Variants in SH3PXD2A observed in about 807,000 individuals in gnomAD.
SH3PXD2A encodes SH3 and PX domains 2A.
SH3PXD2A carries 32 observed loss-of-function variants against 115.2 expected under a neutral mutation model. That is an observed-to-expected ratio of 0.28 (90% CI 0.21 to 0.37). The LOEUF is 0.37. SH3PXD2A is among the 10% of genes least tolerant of loss of function. SH3PXD2A has a pLI of 1.00. For synonymous variants in SH3PXD2A, 610 were observed against 629.1 expected, an observed-to-expected ratio of 0.97 and a Z score of 0.45; for missense variants, 1,328 against 1,498.7, an observed-to-expected ratio of 0.89 and a Z score of 1.88.
chr10:103,740,756 T>C (rs1203913274), intron 3 of SH3PXD2A, among the ~76,000 whole-genome samples: 3 of 152,248 alleles, frequency 2.0e-5, no homozygotes, highest in African/African-American at 7.2e-5. Context: ...CCTGTCTTTC[T>C]GCCACTTGGA....
chr10:103,698,575 C>T (rs2037854088), intron 5 of SH3PXD2A, among the ~76,000 whole-genome samples: 1 of 152,186 alleles, frequency 6.6e-6, no homozygotes, highest in Non-Finnish European at 1.5e-5. Flanking sequence ...AATATGAGGG[C>T]TGGAGAAGAT....
chr10:103,802,404 A>G (rs922424721), intron 1 of SH3PXD2A, among the ~76,000 whole-genome samples: 1 of 152,214 alleles, frequency 6.6e-6, no homozygotes, highest in African/African-American at 2.4e-5. Flanking sequence ...GAGCCTCACA[A>G]TGAAGGCATT....
At chr10:103,674,532 T>C (rs751376327) in intron 6 of SH3PXD2A, among the ~76,000 whole-genome samples, 3 of 152,122 alleles carry the variant, frequency 2.0e-5, no homozygotes, top group Non-Finnish European at 4.4e-5. Context: ...TTAAAAAACA[T>C]GGCACCAGGC....
chr10:103,650,291 C>T (rs1331569996), intron 8 of SH3PXD2A, among the ~76,000 whole-genome samples: 1 of 152,230 alleles, frequency 6.6e-6, no homozygotes. Flanking sequence ...ACAGCCACCA[C>T]TGCACCAGCA....
intron 3 of SH3PXD2A, among the ~76,000 whole-genome samples, chr10:103,760,555 G>A (rs2038689131): frequency 6.7e-6 from 1 of 149,586 alleles, no homozygotes; most frequent in South Asian, 2.1e-4. Flanking sequence ...GGGCAACAGA[G>A]CGAGACCCTG....
Position 103,602,385 on chromosome 10 carries a change from C to A in SH3PXD2A, c.2833G>T (p.Ala945Ser). Residue 945 changes from alanine (A) to serine (S), a missense_variant, in exon 15 of 15, where the codon GCC becomes TCC. Transcript: ENST00000369774. ...GGTTTGGAGGGGATGGGGGGCGTGGCCTTCTTGCTCTGGTTGACGGTGTTC... is the reference window on the plus strand; with the variant it reads ...GGTTTGGAGGGGATGGGGGGCGTGGACTTCTTGCTCTGGTTGACGGTGTTC... The part of the protein sequence containing the change: ...ALNTVNQSKK[A>S]TPPIPSKPPG... 2 of 1,613,922 alleles carry A rather than the reference C, an allele frequency of 1.2e-6. No individual in the cohort carries two copies. The highest frequency in any genetic ancestry group is 1.7e-6 in the Non-Finnish European group (2 of 1,179,936).
At chr10:103,684,878 G>T (rs969605707) in intron 6 of SH3PXD2A, among the ~76,000 whole-genome samples, 2 of 151,662 alleles carry the variant, frequency 1.3e-5, no homozygotes, top group Non-Finnish European at 1.5e-5. Context: ...AAACTAACTG[G>T]ACGTGGTGGT....
At chr10:103,720,556 C>A (rs771183830) in intron 5 of SH3PXD2A, among the ~76,000 whole-genome samples, 1 of 152,238 alleles carries the variant, frequency 6.6e-6, no homozygotes, top group Non-Finnish European at 1.5e-5. Flanking sequence ...ATGGACCCTG[C>A]AGCAGCACAC....
At position 103,596,454 on chromosome 10, in the gene SH3PXD2A, T is replaced by G. The variant is rs1430803046; in HGVS notation, c.*5362A>C. The G allele has an allele frequency of 6.6e-6, 1 of 152,560 alleles. No individual in the cohort carries two copies. Among genetic ancestry groups the G allele is most frequent in the African/African-American group, 2.4e-5 (1 of 41,424 alleles). 9.5% of individuals were successfully genotyped at this position (152,560 alleles called of 1,614,324 possible). A position where few individuals can be genotyped will look rare whatever the true frequency, so the allele number is the denominator to read the frequency against. ...ACAAAAAGAAAAAAAAATGACACAT[T>G]GCACTCTCCAGCCAGAATGATGTGT... On this transcript the variant is annotated 3_prime_UTR_variant, in exon 15 of 15. Coordinates refer to ENST00000369774, the MANE Select transcript of SH3PXD2A (RefSeq NM_001394015.1).
intron 8 of SH3PXD2A, among the ~76,000 whole-genome samples, chr10:103,646,904 G>A (rs1157692008): frequency 2.6e-5 from 4 of 152,252 alleles, no homozygotes; most frequent in Admixed American, 6.5e-5. Flanking sequence ...GTACCTGAGG[G>A]CAGAGAGATG....
chr10:103,621,838 T>A (rs1317883902), intron 10 of SH3PXD2A, among the ~76,000 whole-genome samples: 1 of 152,230 alleles, frequency 6.6e-6, no homozygotes, highest in African/African-American at 2.4e-5. Flanking sequence ...TGGACTCCCC[T>A]GGATCAGGCC....
chr10:103,770,141 A>C (rs2038802631), intron 2 of SH3PXD2A, among the ~76,000 whole-genome samples: 2 of 152,222 alleles, frequency 1.3e-5, no homozygotes, highest in Non-Finnish European at 2.9e-5. Flanking sequence ...ATGTAAATAA[A>C]ATGAACCCAT....
intron 5 of SH3PXD2A, among the ~76,000 whole-genome samples, chr10:103,711,472 G>A (rs1477433700): frequency 1.3e-5 from 2 of 152,200 alleles, no homozygotes; most frequent in Non-Finnish European, 2.9e-5. Context: ...CGCAGGGAAC[G>A]TGCCCACTGA....
intron 6 of SH3PXD2A, among the ~76,000 whole-genome samples, chr10:103,686,471 GTCTGCTCCAGCCCCACTGGGGC>G (rs2037679629): frequency 6.6e-6 from 1 of 152,210 alleles, no homozygotes; most frequent in African/African-American, 2.4e-5. Context: ...GCTCTGGGGA[GTCTGCTCCAGCCCCACTGGGGC>G]TCCTGGAGCA....
rs1320837749 is a variant in SH3PXD2A at position 103,665,743 on chromosome 10, C to T, written c.472+2865G>A. Among the ~76,000 whole-genome samples the T allele has an allele frequency of 6.6e-6, 1 of 152,208 alleles. No individual in the cohort carries two copies. Among genetic ancestry groups the T allele is most frequent in the Non-Finnish European group, 1.5e-5 (1 of 68,018 alleles). ...GAGGCCACTCTGGATCCCCTCTCAG[C>T]CAAGGCCTGCAGAACTAGGGGCTGG... On this transcript the variant is annotated intron_variant, in intron 7 of 14. Coordinates refer to ENST00000369774, the MANE Select transcript of SH3PXD2A (RefSeq NM_001394015.1). This position sits in a 1 kb window ranked among gnomAD's most constrained non-coding sequence, Gnocchi z 4.0.
At chr10:103,835,737 A>G (rs2039532854) in intron 1 of SH3PXD2A, among the ~76,000 whole-genome samples, 1 of 152,074 alleles carries the variant, frequency 6.6e-6, no homozygotes, top group South Asian at 2.1e-4. Flanking sequence ...CCTCTGGGTC[A>G]CAACAACTTT....
chr10:103,744,584 C>A (rs373147587), intron 3 of SH3PXD2A, among the ~76,000 whole-genome samples: 5 of 152,200 alleles, frequency 3.3e-5, no homozygotes, highest in Admixed American at 2.0e-4. Context: ...GATGACATCC[C>A]CAGAGTCTAC....
At chr10:103,608,151 A>AAAAAAAAAAAAAAAAAGTTTACC (rs1491267128) in intron 13 of SH3PXD2A, among the ~76,000 whole-genome samples, 2 of 71,284 alleles carry the variant, frequency 2.8e-5, no homozygotes, top group Admixed American at 1.7e-4. Flanking sequence ...TGATCAATTT[A>AAAAAAAAAAAAAAAAAGTTTACC]AAAAAAAAAA....
Position 103,692,929 on chromosome 10 carries a change from C to G in SH3PXD2A, c.427+99G>C, listed in dbSNP as rs184726696. ...GTAGGCTGGCGTGCAAGGACAACCC[C>G]CCCCTCCCCGCCCCCAAGAAGTCCT... On this transcript the variant is annotated intron_variant, in intron 6 of 14. Transcript: ENST00000369774. The G allele has an allele frequency of 1.4e-3, 1,316 of 966,196 alleles. 15 individuals carry two copies. The African/African-American group carries it at 0.018, about 13-fold the overall frequency. The allele number at this position is 966,196 out of a possible 1,614,324, so 59.9% of individuals were successfully genotyped here. A position where few individuals can be genotyped will look rare whatever the true frequency, so the allele number is the denominator to read the frequency against.
Sources: gnomAD v4.1 joint callset for allele counts (sites outside exome capture counted in the v4.1 genomes callset) on GRCh38, gnomAD v4.1.1 for gene constraint, Gnocchi (gnomAD v3.1) non-coding constraint, MANE v1.5 for transcripts, NCBI Gene and HGNC (gene_info 2026-07-23, HGNC 2026-07-21) for gene names.